The following FGD5 variants were observed in gnomAD, a reference collection of about 807,000 sequenced individuals.
The protein encoded by FGD5 is FYVE, RhoGEF and PH domain-containing protein 5.
Under a neutral mutation model 133.4 loss-of-function variants are expected in FGD5, and 28 were observed. The observed-to-expected ratio is 0.21, with a 90% CI of 0.16 to 0.29. FGD5 has a LOEUF of 0.29. FGD5 is among the 10% of genes least tolerant of loss of function. FGD5 has a pLI of 1.00. For missense variants in FGD5, 1,858 were observed against 1,895.2 expected, an observed-to-expected ratio of 0.98 and a Z score of 0.36; for synonymous variants, 810 against 776.5, an observed-to-expected ratio of 1.04 and a Z score of -0.72.
chr3:14,877,727 T>C (rs2037747538), intron 2 of FGD5, among the ~76,000 whole-genome samples: 1 of 152,050 alleles, frequency 6.6e-6, no homozygotes, highest in Admixed American at 6.5e-5. Flanking sequence ...CTCTGATGTG[T>C]GTCTGCTCTG....
Position 14,922,242 on chromosome 3 carries a change from A to C in FGD5, c.3670-169A>C. On this transcript the variant is annotated intron_variant, in intron 14 of 19. Coordinates refer to ENST00000285046, the MANE Select transcript of FGD5 (RefSeq NM_152536.4). The surrounding 1 kb of genome is among the most constrained non-coding windows in gnomAD (Gnocchi z 4.1). The stretch of plus-strand genomic sequence containing the variant: ...TGTTCTCACAGTCTGGCTGTTTCCC[A>C]ACCAAGGGTGAGCATCCTGGAGGGT... 1 of 1,135,360 alleles carries C rather than the reference A, an allele frequency of 8.8e-7. No individual in the cohort carries two copies. Among genetic ancestry groups the C allele is most frequent in the Non-Finnish European group, 1.2e-6 (1 of 805,046 alleles). 70.3% of individuals were successfully genotyped at this position (1,135,360 alleles called of 1,614,324 possible).
intron 9 of FGD5, among the ~76,000 whole-genome samples, chr3:14,904,014 T>C (rs936923465): frequency 6.6e-6 from 1 of 152,228 alleles, no homozygotes; most frequent in Admixed American, 6.5e-5. Flanking sequence ...TTAGACTGGG[T>C]ATATGGCTAT....
At chr3:14,810,913 C>T in intron 1 of FGD5, 1 of 985,028 alleles carries the variant, frequency 1.0e-6, no homozygotes, top group Non-Finnish European at 1.2e-6. Context: ...CGCGAGGGAC[C>T]CCGGCCGGGC....
intron 1 of FGD5, among the ~76,000 whole-genome samples, chr3:14,858,052 A>G (rs1424124021): frequency 1.3e-5 from 2 of 152,204 alleles, no homozygotes; most frequent in Non-Finnish European, 2.9e-5. Flanking sequence ...CAGAGAGTAC[A>G]GTAAAGTACC....
chr3:14,857,131 GA>G (rs1363736473), intron 1 of FGD5, among the ~76,000 whole-genome samples: 1 of 151,284 alleles, frequency 6.6e-6, no homozygotes, highest in Non-Finnish European at 1.5e-5. Context: ...TTAAACTCTT[GA>G]AATAATGGTT....
rs1002145672 is a variant in FGD5, at chr3:14,821,662, G to A, written c.2525+66G>A. 7.6e-6 allele frequency: 11 copies of A among 1,456,712 alleles called. No homozygotes were observed. In the African/African-American group the frequency reaches 1.1e-4, roughly 15 times the overall value. 90.2% of individuals were successfully genotyped at this position (1,456,712 alleles called of 1,614,324 possible). ...ACTGTCCAGGAGGCAGCGTGGGTGT[G>A]GGGGACAGATGGACTTGCTTTCCAG... On this transcript the variant is annotated intron_variant, in intron 1 of 19. Transcript: ENST00000285046.
At position 14,885,864 on chromosome 3, in the gene FGD5, T is replaced by C. The variant is rs570434108; in HGVS notation, c.2748+5092T>C. On this transcript the variant is annotated intron_variant, in intron 4 of 19. Coordinates refer to ENST00000285046, the MANE Select transcript of FGD5 (RefSeq NM_152536.4). ...CTATTCAATGGGAGGAATATTGAGC[T>C]CACATTGTATAAAGACCATTGAGAT... is the stretch of plus-strand genomic sequence containing the variant. Among the ~76,000 whole-genome samples, 3 of 152,318 alleles carry C rather than the reference T, an allele frequency of 2.0e-5. No individual in the cohort carries two copies. The South Asian group carries it at 6.2e-4, about 32-fold the overall frequency.
At chr3:14,841,552 A>C (rs1401450683) in intron 1 of FGD5, among the ~76,000 whole-genome samples, 1 of 129,988 alleles carries the variant, frequency 7.7e-6, no homozygotes, top group African/African-American at 3.0e-5. Flanking sequence ...AACAGACTTA[A>C]GGATCAGGCT....
At chr3:14,813,503 A>T (rs1222173400) in intron 1 of FGD5, among the ~76,000 whole-genome samples, 3 of 152,258 alleles carry the variant, frequency 2.0e-5, no homozygotes, top group African/African-American at 7.2e-5. Flanking sequence ...TTACTCTTGT[A>T]ACATATGGTT....
rs2037556805 is a variant in FGD5 at position 14,869,158 on chromosome 3, G to T, written c.2658+4898G>T. On this transcript the variant is annotated intron_variant, in intron 2 of 19. Transcript: ENST00000285046. The stretch of plus-strand genomic sequence containing the variant: ...AAATACAAAAAATTATCTGGGTGTG[G>T]TGGCACGTGCCTGTAGTCCCAGCTA... Among the ~76,000 whole-genome samples the T allele has an allele frequency of 2.6e-5, 4 of 152,238 alleles. No individual in the cohort carries two copies. In the South Asian group the frequency reaches 8.3e-4, roughly 32 times the overall value.
intron 1 of FGD5, among the ~76,000 whole-genome samples, chr3:14,837,809 G>T (rs28616631): frequency 0.012 from 1,902 of 152,278 alleles, 41 homozygotes; most frequent in African/African-American, 0.042. Flanking sequence ...TTTTTCTTGT[G>T]TTTCTTTTTC....
chr3:14,898,684 G>C (rs2038182373), intron 6 of FGD5, 55 bp from the exon 7 acceptor site: 1 of 1,427,054 alleles, frequency 7.0e-7, no homozygotes, highest in Non-Finnish European at 9.6e-7. Flanking sequence ...CTGTGAGCAT[G>C]GTGCCTTCAG....
intron 2 of FGD5, among the ~76,000 whole-genome samples, chr3:14,878,103 A>G (rs2037754434): frequency 6.6e-6 from 1 of 152,190 alleles, no homozygotes; most frequent in African/African-American, 2.4e-5. Flanking sequence ...GAAAATACAA[A>G]TGAAAAGATC....
chr3:14,885,431 G>A (rs116100827), intron 4 of FGD5, among the ~76,000 whole-genome samples: 364 of 152,310 alleles, frequency 2.4e-3, no homozygotes, highest in African/African-American at 8.3e-3. Flanking sequence ...CGCAGGTGCA[G>A]TCGTGAGTTT....
At chr3:14,863,283 C>A (rs294627) in intron 1 of FGD5, among the ~76,000 whole-genome samples, 5,614 of 152,268 alleles carry the variant, frequency 0.037, 203 homozygotes, top group East Asian at 0.15. Flanking sequence ...GGTTTTTGGG[C>A]AGGAGAAGGG....
rs1162360713 is a variant in FGD5 at position 14,819,645 on chromosome 3, A to T, written c.574A>T (p.Ser192Cys). ...TTGGGCTGGAGAGGGGGTCTTCCAG[A>T]GCGACCTCCTCCTGCCTCACATCCA... Reference protein sequence around the residue: ...GPWAGEGVFQSDLLLPHIHGE... With the variant: ...GPWAGEGVFQCDLLLPHIHGE... Residue 192 changes from serine to cysteine, a missense_variant, in exon 1 of 20, where the codon AGC (serine) becomes TGC (cysteine). By Grantham distance (112) the Ser-to-Cys change is moderately radical. This residue lies in a region of FGD5 where 1,824 missense variants were observed against 1,848.9 expected (regional missense o/e 0.99). Transcript: ENST00000285046. This position sits in a 1 kb window ranked among gnomAD's most constrained non-coding sequence, Gnocchi z 4.1. The T allele has an allele frequency of 6.5e-7, 1 of 1,550,158 alleles. No individual in the cohort carries two copies. Among genetic ancestry groups the T allele is most frequent in the East Asian group, 2.4e-5 (1 of 40,902 alleles).
At chr3:14,879,160 C>T (rs1344532726) in intron 2 of FGD5, among the ~76,000 whole-genome samples, 1 of 152,176 alleles carries the variant, frequency 6.6e-6, no homozygotes, top group Non-Finnish European at 1.5e-5. Flanking sequence ...GTTAGTTTGT[C>T]CACATATGAG....
intron 2 of FGD5, among the ~76,000 whole-genome samples, chr3:14,870,394 G>A (rs2037583080): frequency 6.6e-6 from 1 of 152,180 alleles, no homozygotes; most frequent in Non-Finnish European, 1.5e-5. Context: ...TGTCGCTGGT[G>A]CTGCACAACC....
chr3:14,816,348 G>A (rs549077119), upstream of FGD5, among the ~76,000 whole-genome samples: 4 of 152,288 alleles, frequency 2.6e-5, no homozygotes, highest in Non-Finnish European at 2.9e-5. Context: ...CTCATATTAC[G>A]CAGTGTATCA....
Sources: allele counts gnomAD v4.1 joint callset (sites outside exome capture counted in the v4.1 genomes callset), GRCh38; gene constraint gnomAD v4.1.1; regional missense constraint gnomAD v4.1.1; non-coding constraint Gnocchi (gnomAD v3.1); transcripts MANE v1.5; gene names NCBI Gene and HGNC (gene_info 2026-07-23, HGNC 2026-07-21).